KIAA1671: variants seen among roughly 807,000 people sequenced by gnomAD.
KIAA1671 encodes KIAA1671, also known as uncharacterized protein KIAA1671.
KIAA1671 carries 52 observed loss-of-function variants against 131.2 expected under a neutral mutation model. The observed-to-expected ratio is 0.40, with a 90% CI of 0.32 to 0.50. The LOEUF is 0.50. KIAA1671 is among the 20% of genes least tolerant of loss of function. The pLI is 0.73. For synonymous variants in KIAA1671, 1,003 were observed against 961.6 expected, an observed-to-expected ratio of 1.04 and a Z score of -0.80; for missense variants, 2,360 against 2,364.2, an observed-to-expected ratio of 1.00 and a Z score of 0.04.
In KIAA1671 at chr22:24,979,372, C is replaced by T. The variant is rs566129785; in HGVS notation, c.-208+26600C>T. On this transcript the variant is annotated intron_variant, in intron 1 of 12. Transcript: ENST00000358431. ...TTTATTTATTTATTTTTTTTTGAGA[C>T]GGAGTCTCGCTGTTTTGCCCAGGCC... 3.9e-4 allele frequency among the ~76,000 whole-genome samples: 52 copies of T among 134,698 alleles called. No individual in the cohort carries two copies. In the South Asian group the frequency reaches 0.01, roughly 26 times the overall value. The allele number at this position is 134,698 out of a possible 152,430, so 88.4% of individuals were successfully genotyped here.
intron 6 of KIAA1671, chr22:25,054,695 G>C (rs1208789630): frequency 6.7e-6 from 1 of 149,466 alleles, no homozygotes; most frequent in Non-Finnish European, 1.5e-5. Flanking sequence ...TATATGCCAG[G>C]CATCATGTCA....
chr22:25,040,096 A>T lies in KIAA1671; in HGVS notation c.2966A>T (p.Lys989Ile). ...YVSPTASALR[K>I]PQLSHYRVET... is the part of the protein sequence containing the mutation. ...AGCCCCACAGCCAGTGCCTTAAGAA[A>T]ACCTCAACTATCCCACTACAGGGTG... Residue 989 changes from lysine (K) to isoleucine (I), a missense_variant, in exon 5 of 13, where the codon AAA becomes ATA. Lys to Ile is a moderately radical substitution (Grantham distance 102, BLOSUM62 -3). This residue lies in a region of KIAA1671 where 1,161 missense variants were observed against 1,204.7 expected (regional missense o/e 0.96). Coordinates refer to ENST00000358431, the MANE Select transcript of KIAA1671 (RefSeq NM_001145206.2). 10 of 1,551,682 alleles carry T rather than the reference A, an allele frequency of 6.4e-6. No individual in the cohort carries two copies. The highest frequency in any genetic ancestry group is 8.7e-6 in the Non-Finnish European group (10 of 1,146,992).
At chr22:25,136,387 G>A (rs576998626) in intron 6 of KIAA1671, among the ~76,000 whole-genome samples, 1 of 152,280 alleles carries the variant, frequency 6.6e-6, no homozygotes, top group South Asian at 2.1e-4. Flanking sequence ...CCCAGGTGTG[G>A]CTGATTCTGA....
chr22:25,178,086 AG>A (rs1164315996), intron 9 of KIAA1671, among the ~76,000 whole-genome samples: 1 of 152,098 alleles, frequency 6.6e-6, no homozygotes, highest in Non-Finnish European at 1.5e-5. Context: ...TTTTACAGCA[AG>A]GGGTCGGGCA....
chr22:25,021,201 G>T (rs1925647065), intron 1 of KIAA1671, among the ~76,000 whole-genome samples: 1 of 152,162 alleles, frequency 6.6e-6, no homozygotes, highest in Admixed American at 6.5e-5. Flanking sequence ...GGGACTATAG[G>T]CATGCACCAC....
intron 1 of KIAA1671, among the ~76,000 whole-genome samples, chr22:24,953,179 A>G (rs1283614960): frequency 6.6e-6 from 1 of 152,128 alleles, no homozygotes; most frequent in Non-Finnish European, 1.5e-5. Flanking sequence ...GTGATTCGAG[A>G]CTGGGAGCGA....
At chr22:25,008,823 AT>A (rs2123873153) in intron 1 of KIAA1671, among the ~76,000 whole-genome samples, 1 of 152,354 alleles carries the variant, frequency 6.6e-6, no homozygotes, top group East Asian at 1.9e-4. Context: ...GGTTCACTGA[AT>A]TCCCTTTTTG....
chr22:25,120,365 A>G (rs1165905229), intron 6 of KIAA1671, among the ~76,000 whole-genome samples: 4 of 152,216 alleles, frequency 2.6e-5, no homozygotes, highest in African/African-American at 9.6e-5. Context: ...GCCTCACCCA[A>G]TTTCAGGTCT....
At chr22:25,172,020 A>C (rs917288845) in intron 7 of KIAA1671, among the ~76,000 whole-genome samples, 1 of 152,244 alleles carries the variant, frequency 6.6e-6, no homozygotes, top group African/African-American at 2.4e-5. Flanking sequence ...ATGGATAAGA[A>C]AAAGTAAAAG....
rs544650587 is a variant in KIAA1671, at chr22:25,140,096, C to T, written c.4531-30724C>T. Reference sequence around the variant, plus strand: ...AGTTGAGGGGTCCTCTGCATAGAGTCTCACAAGGCTGCAATCCGGGTGTTG... The same window carrying T: ...AGTTGAGGGGTCCTCTGCATAGAGTTTCACAAGGCTGCAATCCGGGTGTTG... On this transcript the variant is annotated intron_variant, in intron 6 of 12. Coordinates refer to ENST00000358431, the MANE Select transcript of KIAA1671 (RefSeq NM_001145206.2). Among the ~76,000 whole-genome samples, 33 of 152,386 alleles carry T rather than the reference C, an allele frequency of 2.2e-4. No individual in the cohort carries two copies. The South Asian group carries it at 4.6e-3, about 21-fold the overall frequency.
intron 6 of KIAA1671, among the ~76,000 whole-genome samples, chr22:25,155,096 G>A (rs986462950): frequency 1.4e-4 from 22 of 152,122 alleles, no homozygotes; most frequent in African/African-American, 1.2e-4. Flanking sequence ...ATTAATCAGC[G>A]GACCTCAATT....
chr22:25,088,671 A>G (rs987048186), intron 6 of KIAA1671, among the ~76,000 whole-genome samples: 1 of 152,240 alleles, frequency 6.6e-6, no homozygotes, highest in African/African-American at 2.4e-5. Context: ...TTGGAAAAGT[A>G]ATACACAGAC....
intron 6 of KIAA1671, among the ~76,000 whole-genome samples, chr22:25,065,941 G>A (rs1004073103): frequency 3.3e-5 from 5 of 152,086 alleles, no homozygotes; most frequent in African/African-American, 1.2e-4. Flanking sequence ...GCCTGATCGA[G>A]ACTGGGTACT....
Position 25,196,071 on chromosome 22 carries a change from T to C in KIAA1671, c.*3670T>C, listed in dbSNP as rs1934817335. 6.6e-6 allele frequency: 1 copy of C among 152,120 alleles called. No homozygotes were observed. Among genetic ancestry groups the C allele is most frequent in the Non-Finnish European group, 1.5e-5 (1 of 68,034 alleles). The allele number at this position is 152,120 out of a possible 1,614,324, so 9.4% of individuals were successfully genotyped here. ...GGAATTCTGGGTGGGCTCAGGAAGTTTAGAGCCACGTAAAAAGCTGGTAGG... is the reference window on the plus strand; with the variant it reads ...GGAATTCTGGGTGGGCTCAGGAAGTCTAGAGCCACGTAAAAAGCTGGTAGG... On this transcript the variant is annotated 3_prime_UTR_variant, in exon 13 of 13. Transcript: ENST00000358431.
At chr22:25,085,822 G>A (rs1929688291) in intron 6 of KIAA1671, among the ~76,000 whole-genome samples, 1 of 151,930 alleles carries the variant, frequency 6.6e-6, no homozygotes, top group Admixed American at 6.6e-5. Flanking sequence ...AGGGAGGAAG[G>A]CTGTTCAAGA....
intron 6 of KIAA1671, among the ~76,000 whole-genome samples, chr22:25,168,708 G>C (rs1274647731): frequency 1.3e-5 from 2 of 151,960 alleles, no homozygotes; most frequent in African/African-American, 4.8e-5. Flanking sequence ...AAAAAAAAAA[G>C]TTTAGGGAGG....
chr22:24,992,011 T>G (rs903439342), intron 1 of KIAA1671, among the ~76,000 whole-genome samples: 1 of 152,068 alleles, frequency 6.6e-6, no homozygotes, highest in Non-Finnish European at 1.5e-5. Flanking sequence ...CACATCAGCA[T>G]TTTGGGCCTG....
chr22:25,069,175 T>C (rs6004419), intron 6 of KIAA1671, among the ~76,000 whole-genome samples: 59,591 of 151,922 alleles, frequency 0.39, 13,005 homozygotes, highest in African/African-American at 0.59. Context: ...GTAGAAGTGA[T>C]GATACTGCCC....
intron 9 of KIAA1671, chr22:25,179,212 A>C (rs1934167384): frequency 8.2e-7 from 1 of 1,213,112 alleles, no homozygotes; most frequent in Admixed American, 2.0e-5. Context: ...GGGGTGGGGG[A>C]GGAGGAACAA....
Sources: gnomAD v4.1 joint callset for allele counts (sites outside exome capture counted in the v4.1 genomes callset) on GRCh38, gnomAD v4.1.1 for gene constraint, gnomAD v4.1.1 regional missense constraint, MANE v1.5 for transcripts, NCBI Gene and HGNC (gene_info 2026-07-23, HGNC 2026-07-21) for gene names.